STK36: variants seen among roughly 807,000 people sequenced by gnomAD.
The protein encoded by STK36 is serine/threonine kinase 36.
A neutral mutation model predicts 142.2 loss-of-function variants in STK36; 116 were observed. That is an observed-to-expected ratio of 0.82 (90% confidence interval 0.70 to 0.95). STK36 has a LOEUF of 0.95. Among genes scored for constraint, STK36 ranks in the 40% least tolerant of loss-of-function variants. The pLI, the probability that STK36 is intolerant of heterozygous loss-of-function variation, is 0.00. For missense variants in STK36, 1,422 were observed against 1,617.2 expected, an observed-to-expected ratio of 0.88 and a Z score of 2.07; for synonymous variants, 619 against 641.7, an observed-to-expected ratio of 0.96 and a Z score of 0.53.
chr2:218,681,107 A>G (rs1940498989), intron 10 of STK36, among the ~76,000 whole-genome samples: 1 of 150,832 alleles, frequency 6.6e-6, no homozygotes, highest in African/African-American at 2.4e-5. Context: ...TCTACACCAG[A>G]GCATGTAGTT....
intron 1 of STK36, 117 bp downstream of exon 1, chr2:218,672,332 T>G (rs1020548247): frequency 2.8e-6 from 1 of 363,380 alleles, no homozygotes; most frequent in Admixed American, 4.2e-5. Context: ...AATCCGTCCC[T>G]TGGCCTGAGG....
At chr2:218,688,618 G>A in intron 11 of STK36, 79 bp from the exon 12 acceptor site, 1 of 1,486,542 alleles carries the variant, frequency 6.7e-7, no homozygotes, top group South Asian at 1.3e-5. Context: ...CAGCTCCTTG[G>A]GGATGCTTGG....
intron 12 of STK36, 93 bp from the exon 13 acceptor site, chr2:218,689,766 G>T (rs1940921098): frequency 3.5e-6 from 4 of 1,128,942 alleles, no homozygotes; most frequent in South Asian, 2.9e-5. Context: ...TGATCAACTT[G>T]ACTGGGTCTC....
chr2:218,673,740 T>C lies in STK36; in HGVS notation c.200T>C (p.Leu67Pro). 1.9e-6 allele frequency: 3 copies of C among 1,614,128 alleles called. No homozygotes were observed. Among genetic ancestry groups the C allele is most frequent in the Non-Finnish European group, 2.5e-6 (3 of 1,180,018 alleles). Residue 67 changes from leucine to proline, a missense_variant, in exon 3 of 27, where the codon CTT (leucine) becomes CCT (proline). Leu to Pro is a moderately conservative substitution (Grantham distance 98, BLOSUM62 -3). Transcript: ENST00000295709. ...GLRHPNIVHM[L>P]DSFETDKEVV... is the part of the protein sequence containing the mutation. Reference sequence around the variant, plus strand: ...CGGCATCCCAACATTGTGCATATGCTTGACAGCTTTGAAACTGATAAAGAG... The same window carrying C: ...CGGCATCCCAACATTGTGCATATGCCTGACAGCTTTGAAACTGATAAAGAG...
intron 10 of STK36, 45 bp from the exon 11 acceptor site, chr2:218,685,040 G>A: frequency 6.2e-7 from 1 of 1,611,642 alleles, no homozygotes; most frequent in Non-Finnish European, 8.5e-7. Context: ...TACTACCTTA[G>A]ACTTACACAC....
intron 1 of STK36, 200 bp from the exon 2 acceptor site, chr2:218,672,541 A>C: frequency 2.6e-6 from 1 of 391,310 alleles, no homozygotes; most frequent in Non-Finnish European, 4.8e-6. Context: ...GAGAAGGGGA[A>C]CCAGGTGTTA....
chr2:218,693,281 C>A lies in STK36; in HGVS notation c.2085C>A (p.Ser695Arg). The A allele has an allele frequency of 6.2e-7, 1 of 1,614,196 alleles. No homozygotes were observed. The highest frequency in any genetic ancestry group is 1.6e-4 in the Middle Eastern group (1 of 6,062). ...CAAATCAGCTAACTGAAGACAGCAG[C>A]CAGCTCAGGCCATCCCTCATCTCTG... ...HLANQLTEDS[S>R]QLRPSLISGL... Residue 695 changes from serine (S) to arginine (R), a missense_variant, in exon 17 of 27, where the codon AGC (serine) becomes AGA (arginine). Coordinates refer to ENST00000295709, the MANE Select transcript of STK36 (RefSeq NM_015690.5).
At chr2:218,672,276 GGCAACGTAT>G (rs1940013589) in intron 1 of STK36, 61 bp downstream of exon 1, 1 of 494,310 alleles carries the variant, frequency 2.0e-6, no homozygotes, top group South Asian at 2.4e-5. Context: ...TTATAAGTCA[GGCAACGTAT>G]GCAGGCAGCC....
intron 6 of STK36, among the ~76,000 whole-genome samples, chr2:218,677,327 C>G (rs1375774545): frequency 6.6e-6 from 1 of 152,218 alleles, no homozygotes; most frequent in Non-Finnish European, 1.5e-5. Flanking sequence ...ATCCAGTCAC[C>G]TCCTACCAGA....
In STK36 at chr2:218,698,662, C is replaced by T. The variant is rs767725308; in HGVS notation, c.3118C>T (p.Leu1040=). Residue 1040 remains leucine (L), a synonymous_variant, in exon 26 of 27, where the codon CTG becomes TTG. Transcript: ENST00000295709. ...GCTGCCCATCAGCCTTCTCACACGC[C>T]TGGCCCTCATGGATCCCACCTCTCT... The part of the protein sequence containing the change: ...VELPISLLTR[L]ALMDPTSLNQ... 1 of 1,614,196 alleles carries T rather than the reference C, an allele frequency of 6.2e-7. No homozygotes were observed. The highest frequency in any genetic ancestry group is 1.1e-5 in the South Asian group (1 of 91,088).
chr2:218,686,685 G>A lies in STK36; in HGVS notation c.1380+1457G>A, dbSNP rs1292526039. Among the ~76,000 whole-genome samples the A allele has an allele frequency of 2.0e-5, 3 of 152,158 alleles. No individual in the cohort carries two copies. The East Asian group carries it at 5.8e-4, about 29-fold the overall frequency. On this transcript the variant is annotated intron_variant, in intron 11 of 26. Coordinates refer to ENST00000295709, the MANE Select transcript of STK36 (RefSeq NM_015690.5). ...TGATTAGATATTGATGTATTGGGTT[G>A]TTTCCACTTTTTAGCTTTTATGAAT...
chr2:218,688,306 T>C (rs1940855671), intron 11 of STK36: 4 of 459,192 alleles, frequency 8.7e-6, no homozygotes, highest in Non-Finnish European at 1.7e-5. Flanking sequence ...TTGTTTTGTC[T>C]TTCTGTGGTT....
rs758583993 is a variant in STK36, at chr2:218,693,395, A to G, written c.2148+51A>G. ...CAGCTTTATTTTTAACTCCCAGTGC[A>G]GACAGAGAAGCAGAGAAACAGACCA... On this transcript the variant is annotated intron_variant, in intron 17 of 26. Coordinates refer to ENST00000295709, the MANE Select transcript of STK36 (RefSeq NM_015690.5). 5 of 1,535,572 alleles carry G rather than the reference A, an allele frequency of 3.3e-6. No individual in the cohort carries two copies. In the African/African-American group the frequency reaches 7.0e-5, roughly 22 times the overall value.
chr2:218,696,417 G>A (rs961106479), intron 21 of STK36, 110 bp from the exon 22 acceptor site: 7 of 899,588 alleles, frequency 7.8e-6, no homozygotes, highest in South Asian at 1.4e-5. Flanking sequence ...TCTACCTTCC[G>A]GTTGACTCTC....
In STK36 at chr2:218,692,209, A is replaced by G. The variant is rs746016389; in HGVS notation, c.1831A>G (p.Ser611Gly). 4.3e-6 allele frequency: 7 copies of G among 1,614,206 alleles called. No homozygotes were observed. The Admixed American group carries it at 8.3e-5, about 19-fold the overall frequency. Residue 611 changes from serine to glycine, a missense_variant, in exon 15 of 27, where the codon AGC (serine) becomes GGC (glycine). Coordinates refer to ENST00000295709, the MANE Select transcript of STK36 (RefSeq NM_015690.5). The stretch of plus-strand genomic sequence containing the variant: ...GGCCATCTCCAAAGCCTTTTACTCC[A>G]GCTTGCTGACGACACAGCAGGTTGT... ...SRAISKAFYSSLLTTQQVVLD... is the reference protein window; with the variant it reads ...SRAISKAFYSGLLTTQQVVLD...
In STK36 at chr2:218,692,154, C is replaced by A. The variant is rs192441938; in HGVS notation, c.1776C>A (p.Val592=). The A allele has an allele frequency of 1.5e-5, 24 of 1,614,180 alleles. No individual in the cohort carries two copies. In the East Asian group the frequency reaches 4.7e-4, roughly 31 times the overall value. Residue 592 remains valine (V), a synonymous_variant, in exon 15 of 27, where the codon GTC becomes GTA. Transcript: ENST00000295709. ...CTTCTCTCCTTTAGTGCTTTACTGTCCTGTGCGAAGCCATGGATGGGAACA... is the reference window on the plus strand; with the variant it reads ...CTTCTCTCCTTTAGTGCTTTACTGTACTGTGCGAAGCCATGGATGGGAACA... ...LRRDSLMCFT[V]LCEAMDGNSR...
intron 5 of STK36, 109 bp from the exon 6 acceptor site, chr2:218,675,920 A>G: frequency 6.9e-7 from 1 of 1,438,944 alleles, no homozygotes; most frequent in Non-Finnish European, 9.5e-7. Flanking sequence ...CTGGAACCTA[A>G]TCAAAGGTGC....
At chr2:218,674,827 T>C (rs1039697599) in intron 4 of STK36, among the ~76,000 whole-genome samples, 3 of 152,146 alleles carry the variant, frequency 2.0e-5, no homozygotes, top group Admixed American at 2.0e-4. Context: ...CTCGAACTGC[T>C]GGCCTCAGGT....
chr2:218,680,845 T>C (rs1215596144), intron 10 of STK36, 143 bp downstream of exon 10: 1 of 618,540 alleles, frequency 1.6e-6, no homozygotes, highest in Non-Finnish European at 2.8e-6. Flanking sequence ...ATTATAGATT[T>C]TAATTGTACA....
Sources: allele counts gnomAD v4.1 joint callset (sites outside exome capture counted in the v4.1 genomes callset), GRCh38; gene constraint gnomAD v4.1.1; transcripts MANE v1.5; gene names NCBI Gene and HGNC (gene_info 2026-07-23, HGNC 2026-07-21).